The following SYN2 variants were observed in gnomAD, a reference collection of about 807,000 sequenced individuals.
The protein encoded by SYN2 is synapsin II.
Under a neutral mutation model 50.9 loss-of-function variants are expected in SYN2, and 19 were observed. The observed-to-expected ratio is 0.37, with a 90% confidence interval of 0.26 to 0.55. The LOEUF is 0.55. SYN2 is among the 20% of genes least tolerant of loss of function. The pLI is 0.81. For synonymous variants in SYN2, 255 were observed against 224.9 expected, an observed-to-expected ratio of 1.13 and a Z score of -1.20; for missense variants, 587 against 576.4, an observed-to-expected ratio of 1.02 and a Z score of -0.19.
chr3:12,103,334 C>T (rs938365618), intron 1 of SYN2, among the ~76,000 whole-genome samples: 5 of 152,172 alleles, frequency 3.3e-5, no homozygotes, highest in Admixed American at 1.3e-4. Context: ...GAAAGGCAAG[C>T]AAAGAAGTGA....
chr3:12,109,335 A>G (rs2125194380), intron 1 of SYN2, among the ~76,000 whole-genome samples: 1 of 152,340 alleles, frequency 6.6e-6, no homozygotes, highest in East Asian at 1.9e-4. Context: ...AATGAGAATA[A>G]TACCCCTATC....
At chr3:12,125,289 C>G (rs1459641426) in intron 1 of SYN2, among the ~76,000 whole-genome samples, 1 of 151,972 alleles carries the variant, frequency 6.6e-6, no homozygotes, top group Non-Finnish European at 1.5e-5. Flanking sequence ...CGTGAGCCAC[C>G]ACGCCCAGCC....
At chr3:12,184,497 C>T in intron 11 of SYN2, 3 of 985,872 alleles carry the variant, frequency 3.0e-6, no homozygotes, top group Non-Finnish European at 3.6e-6. Flanking sequence ...GAGACCAAAT[C>T]AAAAATGTCC....
intron 5 of SYN2, among the ~76,000 whole-genome samples, chr3:12,155,384 G>A (rs940581508): frequency 6.6e-6 from 1 of 152,210 alleles, no homozygotes; most frequent in South Asian, 2.1e-4. Flanking sequence ...CAAAGAAGGT[G>A]TCTCAGAGAA....
chr3:12,093,403 A>G (rs1027026826), intron 1 of SYN2, among the ~76,000 whole-genome samples: 4 of 152,196 alleles, frequency 2.6e-5, no homozygotes, highest in Non-Finnish European at 4.4e-5. Context: ...CACTTTGACA[A>G]GTGTGATATT....
chr3:12,174,964 A>G (rs1698029799), intron 10 of SYN2, among the ~76,000 whole-genome samples: 1 of 152,220 alleles, frequency 6.6e-6, no homozygotes, highest in South Asian at 2.1e-4. Flanking sequence ...TCAAGAGTAC[A>G]GACTTGTTTA....
intron 1 of SYN2, among the ~76,000 whole-genome samples, chr3:12,008,682 G>A (rs898563934): frequency 3.9e-5 from 6 of 152,190 alleles, no homozygotes; most frequent in African/African-American, 1.4e-4. Context: ...ACTAAGCTTT[G>A]TACCAATCTC....
In SYN2 at chr3:12,020,577, A is replaced by G. The variant is rs75930555; in HGVS notation, c.377+15649A>G. ...CCCCAGACCCTTAGGAGAAAGATCT[A>G]GGTAGCAGCTTTGAAGGAAGAAGGA... On this transcript the variant is annotated intron_variant, in intron 1 of 12. Coordinates refer to ENST00000621198, the MANE Select transcript of SYN2 (RefSeq NM_133625.6). Among the ~76,000 whole-genome samples, 1,156 of 152,294 alleles carry G rather than the reference A, an allele frequency of 7.6e-3. 11 individuals carry two copies. The highest frequency in any genetic ancestry group is 0.026 in the African/African-American group (1,093 of 41,562).
At chr3:12,186,915 T>TC (rs921458863) in intron 11 of SYN2, among the ~76,000 whole-genome samples, 2 of 152,196 alleles carry the variant, frequency 1.3e-5, no homozygotes, top group Admixed American at 1.3e-4. Context: ...GGTGACTTGC[T>TC]CAGGGAGTCA....
chr3:12,172,467 T>C (rs1379063548), intron 10 of SYN2, among the ~76,000 whole-genome samples: 13 of 152,198 alleles, frequency 8.5e-5, no homozygotes, highest in Admixed American at 8.5e-4. Flanking sequence ...GGGGAACGGA[T>C]ACAGATCAAA....
At chr3:12,154,473 A>G in intron 5 of SYN2, 1 of 1,613,326 alleles carries the variant, frequency 6.2e-7, no homozygotes, top group Non-Finnish European at 8.5e-7. Context: ...GATGGAGGAG[A>G]GTCAAGCATC....
chr3:12,088,743 T>C (rs1695765016), intron 1 of SYN2, among the ~76,000 whole-genome samples: 1 of 152,154 alleles, frequency 6.6e-6, no homozygotes, highest in African/African-American at 2.4e-5. Context: ...TGCAACAACA[T>C]AGATGAACCT....
chr3:12,125,022 C>CT lies in SYN2; in HGVS notation c.378-15619dup, dbSNP rs1331614204. On this transcript the variant is annotated intron_variant, in intron 1 of 12. Transcript: ENST00000621198. ...ATGTATACAGCTGCTGAGGATTTTT[C>CT]TTTTTTTTTTGAGATGGAGTCTCAC... 8.0e-3 allele frequency among the ~76,000 whole-genome samples: 1,176 copies of CT among 147,122 alleles called. 10 individuals are homozygous for CT. The highest frequency in any genetic ancestry group is 0.027 in the African/African-American group (1,090 of 40,138).
At chr3:12,162,398 A>G (rs1001230039) in intron 7 of SYN2, among the ~76,000 whole-genome samples, 1 of 152,230 alleles carries the variant, frequency 6.6e-6, no homozygotes, top group Non-Finnish European at 1.5e-5. Flanking sequence ...GACAGACTAC[A>G]TTAGTTACCT....
At chr3:12,156,252 C>T (rs940003408) in intron 5 of SYN2, among the ~76,000 whole-genome samples, 11 of 152,328 alleles carry the variant, frequency 7.2e-5, no homozygotes, top group African/African-American at 2.6e-4. Context: ...TGAAGCTTCC[C>T]TGATAGTTCA....
At chr3:12,161,521 T>G in intron 5 of SYN2, 25 bp from the exon 6 acceptor site, 1 of 1,613,546 alleles carries the variant, frequency 6.2e-7, no homozygotes, top group Non-Finnish European at 8.5e-7. Flanking sequence ...CTCTGACAGT[T>G]TATTCATTTC....
intron 1 of SYN2, among the ~76,000 whole-genome samples, chr3:12,077,105 A>G (rs1233546849): frequency 6.6e-6 from 1 of 152,030 alleles, no homozygotes; most frequent in African/African-American, 2.4e-5. Flanking sequence ...CAATCTTGCT[A>G]CAGTATCTCC....
At chr3:12,180,408 C>T (rs1211961712) in intron 10 of SYN2, among the ~76,000 whole-genome samples, 1 of 152,260 alleles carries the variant, frequency 6.6e-6, no homozygotes, top group East Asian at 1.9e-4. Context: ...CTGCTGTGGG[C>T]TGGCTCCAGG....
At position 12,085,361 on chromosome 3, in the gene SYN2, A is replaced by ACG. The variant is rs1464317241; in HGVS notation, c.378-55289_378-55288insGC. Among the ~76,000 whole-genome samples, 12 of 116,050 alleles carry ACG rather than the reference A, an allele frequency of 1.0e-4. No individual in the cohort carries two copies. The East Asian group carries it at 1.7e-3, about 16-fold the overall frequency. 76.1% of individuals were successfully genotyped at this position (116,050 alleles called of 152,430 possible). Reference sequence around the variant, plus strand: ...TATGATTGTTATGGAATACACACACACACACACACACACACACACGCACGC... The same window carrying ACG: ...TATGATTGTTATGGAATACACACACACGCACACACACACACACACACGCACGC... On this transcript the variant is annotated intron_variant, in intron 1 of 12. Coordinates refer to ENST00000621198, the MANE Select transcript of SYN2 (RefSeq NM_133625.6).
Sources: gnomAD v4.1 joint callset for allele counts (sites outside exome capture counted in the v4.1 genomes callset) on GRCh38, gnomAD v4.1.1 for gene constraint, MANE v1.5 for transcripts, NCBI Gene and HGNC (gene_info 2026-07-23, HGNC 2026-07-21) for gene names.